CDK14: variants seen among roughly 807,000 people sequenced by gnomAD.
The protein encoded by CDK14 is cyclin dependent kinase 14.
CDK14 carries 34 observed loss-of-function variants against 60.7 expected under a neutral mutation model. The observed-to-expected ratio is 0.56, with a 90% CI of 0.43 to 0.75. The LOEUF (loss-of-function observed/expected upper bound fraction) is 0.75, where lower values mean the gene tolerates loss of function less well. Ranked by LOEUF, CDK14 falls within the 30% of genes least tolerant of loss-of-function variation. The pLI is 0.00. For missense variants in CDK14, 482 were observed against 564.1 expected, an observed-to-expected ratio of 0.85 and a Z score of 1.47; for synonymous variants, 197 against 203.7, an observed-to-expected ratio of 0.97 and a Z score of 0.28.
rs1039474735 is a variant in CDK14 at position 90,998,865 on chromosome 7, G to A, written c.1041+14624G>A. ...GATCGCGCCACTGCACTCCAGCCTG[G>A]GCGACAGAGTGAGCCTCCATCTCAA... On this transcript the variant is annotated intron_variant, in intron 10 of 14. Transcript: ENST00000380050. Among the ~76,000 whole-genome samples, 69 of 151,920 alleles carry A rather than the reference G, an allele frequency of 4.5e-4. 1 individual carries two copies. Among genetic ancestry groups the A allele is most frequent in the Non-Finnish European group, 8.8e-5 (6 of 68,006 alleles).
intron 7 of CDK14, among the ~76,000 whole-genome samples, chr7:90,905,249 A>G (rs1199166353): frequency 6.6e-6 from 1 of 152,202 alleles, no homozygotes; most frequent in Non-Finnish European, 1.5e-5. Flanking sequence ...GATTTAGTAA[A>G]GGAGATAAAA....
intron 14 of CDK14, among the ~76,000 whole-genome samples, chr7:91,124,616 A>G (rs542638379): frequency 3.3e-5 from 5 of 151,966 alleles, no homozygotes; most frequent in African/African-American, 9.6e-5. Flanking sequence ...AAAATTGACT[A>G]TATTTTTGTG....
intron 10 of CDK14, among the ~76,000 whole-genome samples, chr7:91,005,868 G>A (rs1228928479): frequency 6.6e-6 from 1 of 152,226 alleles, no homozygotes; most frequent in East Asian, 1.9e-4. Flanking sequence ...GAGGCAAATA[G>A]TGGTATTTTT....
chr7:91,139,665 G>T (rs1192848317), intron 14 of CDK14, among the ~76,000 whole-genome samples: 1 of 152,144 alleles, frequency 6.6e-6, no homozygotes, highest in East Asian at 1.9e-4. Context: ...ATGTTCCTTG[G>T]TATTTTTAGA....
chr7:90,616,770 T>G (rs17866205), intron 2 of CDK14, among the ~76,000 whole-genome samples: 47,039 of 152,046 alleles, frequency 0.31, 8,204 homozygotes, highest in East Asian at 0.67. Flanking sequence ...TAAAAAAGAT[T>G]AAAACCCATA....
At chr7:90,800,538 T>C (rs1369948579) in intron 5 of CDK14, among the ~76,000 whole-genome samples, 1 of 152,224 alleles carries the variant, frequency 6.6e-6, no homozygotes, top group Admixed American at 6.5e-5. Flanking sequence ...ACATTTTTCT[T>C]TTTTAATGTT....
chr7:91,010,801 T>TTTCCTTCCTTCCTTCCTTCCTTCC (rs1253624022), intron 10 of CDK14, among the ~76,000 whole-genome samples: 3 of 86,192 alleles, frequency 3.5e-5, no homozygotes, highest in East Asian at 7.8e-4. Flanking sequence ...TCCTTCCTTC[T>TTTCCTTCCTTCCTTCCTTCCTTCC]TTCCTTCCTT....
intron 2 of CDK14, among the ~76,000 whole-genome samples, chr7:90,705,882 A>G (rs532166612): frequency 1.3e-5 from 2 of 152,068 alleles, no homozygotes; most frequent in South Asian, 4.2e-4. Flanking sequence ...GCTGCTGCTG[A>G]TGTTTATAAT....
intron 14 of CDK14, among the ~76,000 whole-genome samples, chr7:91,173,231 G>A (rs1226558091): frequency 1.3e-5 from 2 of 152,048 alleles, no homozygotes; most frequent in African/African-American, 4.8e-5. Flanking sequence ...GTTCTTCCAG[G>A]GATGCATCAA....
chr7:90,918,815 C>T (rs3808244), intron 8 of CDK14, among the ~76,000 whole-genome samples: 69,104 of 151,924 alleles, frequency 0.45, 16,104 homozygotes, highest in East Asian at 0.52. Context: ...TGTTGAATAC[C>T]TTTGGAATGA....
At chr7:90,735,769 G>A (rs1322519797) in intron 3 of CDK14, among the ~76,000 whole-genome samples, 1 of 152,236 alleles carries the variant, frequency 6.6e-6, no homozygotes, top group Non-Finnish European at 1.5e-5. Flanking sequence ...GCACCGTGGA[G>A]GTGGGACCTG....
At chr7:90,630,921 T>C (rs1799982850) in intron 2 of CDK14, among the ~76,000 whole-genome samples, 1 of 151,424 alleles carries the variant, frequency 6.6e-6, no homozygotes, top group African/African-American at 2.4e-5. Flanking sequence ...TGTGTGTACC[T>C]AAATCACACA....
At chr7:90,959,126 A>G (rs1264316094) in intron 9 of CDK14, among the ~76,000 whole-genome samples, 1 of 152,136 alleles carries the variant, frequency 6.6e-6, no homozygotes, top group Non-Finnish European at 1.5e-5. Flanking sequence ...CAGAGACATA[A>G]TGGAAGCACA....
At position 91,089,570 on chromosome 7, in the gene CDK14, G is replaced by GA. The variant is rs60356035; in HGVS notation, c.1154+10105dup. Among the ~76,000 whole-genome samples the GA allele has an allele frequency of 5.3e-3, 734 of 139,648 alleles. 5 individuals are homozygous for GA. Among genetic ancestry groups the GA allele is most frequent in the East Asian group, 0.016 (79 of 4,896 alleles). 91.6% of individuals were successfully genotyped at this position (139,648 alleles called of 152,430 possible). A position where few individuals can be genotyped will look rare whatever the true frequency, so the allele number is the denominator to read the frequency against. On this transcript the variant is annotated intron_variant, in intron 12 of 14. Transcript: ENST00000380050. ...TGTAGAGGGCAGCATGCTCTGAGGG[G>GA]AAAAAAAAAAAAAAACAGGCAACTG...
intron 2 of CDK14, among the ~76,000 whole-genome samples, chr7:90,684,988 AT>A (rs35392530): frequency 0.26 from 37,770 of 144,724 alleles, 4,920 homozygotes; most frequent in Non-Finnish European, 0.29. Context: ...TTATGCATAG[AT>A]TTTTTTTTTT....
intron 10 of CDK14, among the ~76,000 whole-genome samples, chr7:91,015,439 A>G (rs1036439285): frequency 2.0e-5 from 3 of 151,592 alleles, no homozygotes; most frequent in Non-Finnish European, 4.4e-5. Context: ...TGCTCACAAT[A>G]ATTGAAGATG....
At chr7:90,914,302 C>G (rs1163696036) in intron 7 of CDK14, among the ~76,000 whole-genome samples, 4 of 152,178 alleles carry the variant, frequency 2.6e-5, no homozygotes, top group Admixed American at 2.0e-4. Context: ...ATCAATTCTT[C>G]TACTTTTTAA....
At chr7:90,680,785 T>C (rs1801298958) in intron 2 of CDK14, among the ~76,000 whole-genome samples, 1 of 152,204 alleles carries the variant, frequency 6.6e-6, no homozygotes, top group African/African-American at 2.4e-5. Context: ...GCTCCAGCTA[T>C]TATTATTTTA....
intron 9 of CDK14, among the ~76,000 whole-genome samples, chr7:90,961,428 G>A (rs1794601446): frequency 6.6e-6 from 1 of 152,138 alleles, no homozygotes; most frequent in Non-Finnish European, 1.5e-5. Context: ...ATGCTGGCAT[G>A]TATTAATATT....
Sources: gnomAD v4.1 joint callset for allele counts (sites outside exome capture counted in the v4.1 genomes callset) on GRCh38, gnomAD v4.1.1 for gene constraint, MANE v1.5 for transcripts, NCBI Gene and HGNC (gene_info 2026-07-23, HGNC 2026-07-21) for gene names.